The following ASCC3 variants were observed in gnomAD, a reference collection of about 807,000 sequenced individuals.
ASCC3 encodes ASC-1 complex subunit P200.
ASCC3 carries 158 observed loss-of-function variants against 256.3 expected under a neutral mutation model. The ratio of observed to expected loss-of-function variants is 0.62; its 90% CI spans 0.54 to 0.70. ASCC3 has a LOEUF of 0.70. Ranked by LOEUF, ASCC3 falls within the 30% of genes least tolerant of loss-of-function variation. The probability of loss-of-function intolerance (pLI) is 0.00; values close to 1 mark genes in which losing one functional copy is unlikely to be tolerated. For synonymous variants in ASCC3, 948 were observed against 883.4 expected, an observed-to-expected ratio of 1.07 and a Z score of -1.30; for missense variants, 2,259 against 2,626.0, an observed-to-expected ratio of 0.86 and a Z score of 3.05.
intron 37 of ASCC3, chr6:100,530,246 G>A (rs1354552711): frequency 3.3e-6 from 3 of 898,056 alleles, no homozygotes; most frequent in East Asian, 4.8e-5. Context: ...AGAGCCACAG[G>A]AGGAGGGGAG....
At chr6:100,641,826 A>G (rs1775132642) in intron 24 of ASCC3, among the ~76,000 whole-genome samples, 2 of 152,186 alleles carry the variant, frequency 1.3e-5, no homozygotes. Context: ...ATGGAATACT[A>G]TGCAGCCATA....
chr6:100,510,934 G>A (rs909038680), intron 40 of ASCC3, among the ~76,000 whole-genome samples: 1 of 152,138 alleles, frequency 6.6e-6, no homozygotes, highest in African/African-American at 2.4e-5. Flanking sequence ...AAGGGAGTCA[G>A]AGAGTAATAT....
At position 100,606,984 on chromosome 6, in the gene ASCC3, T is replaced by C; in HGVS notation, c.4890A>G (p.Thr1630=). 6.2e-7 allele frequency: 1 copy of C among 1,613,742 alleles called. No homozygotes were observed. The highest frequency in any genetic ancestry group is 8.5e-7 in the Non-Finnish European group (1 of 1,179,810). ...TACAGTTTACAAATAGTTCCTCTAC[T>C]GTTTTTCGGTCCCTCTCATGTAGTC... is the stretch of plus-strand genomic sequence containing the variant. ...HAGLHERDRK[T]VEELFVNCKV... Residue 1630 remains threonine, a synonymous_variant, in exon 31 of 42, where the codon ACA becomes ACG. Coordinates refer to ENST00000369162, the MANE Select transcript of ASCC3 (RefSeq NM_006828.4).
chr6:100,863,927 C>T, intron 3 of ASCC3, 137 bp downstream of exon 3: 2 of 846,920 alleles, frequency 2.4e-6, no homozygotes, highest in Non-Finnish European at 3.5e-6. Context: ...CTGGCCAGGA[C>T]TGTCTTTCAT....
intron 36 of ASCC3, among the ~76,000 whole-genome samples, chr6:100,581,541 C>T (rs2114748906): frequency 1.3e-5 from 2 of 151,312 alleles, no homozygotes; most frequent in Middle Eastern, 6.9e-3. Flanking sequence ...GTTGCCTGTT[C>T]ACTCTGATGG....
intron 36 of ASCC3, among the ~76,000 whole-genome samples, chr6:100,585,247 A>G (rs898813701): frequency 2.0e-4 from 31 of 152,256 alleles, no homozygotes; most frequent in Admixed American, 1.6e-3. Context: ...CTTTTCACAT[A>G]GTCCCATATT....
chr6:100,785,352 AT>A (rs1322654129), intron 8 of ASCC3, among the ~76,000 whole-genome samples: 2 of 152,120 alleles, frequency 1.3e-5, no homozygotes, highest in African/African-American at 4.8e-5. Flanking sequence ...TTATTCATAT[AT>A]TTTTATGTTA....
intron 36 of ASCC3, among the ~76,000 whole-genome samples, chr6:100,580,863 G>C (rs1771196960): frequency 6.6e-6 from 1 of 151,608 alleles, no homozygotes; most frequent in African/African-American, 2.4e-5. Context: ...ATAGTTTACT[G>C]AGAATGATGA....
intron 25 of ASCC3, 40 bp from the exon 26 acceptor site, chr6:100,631,253 T>C (rs1242720521): frequency 4.8e-6 from 7 of 1,460,374 alleles, no homozygotes; most frequent in South Asian, 2.3e-5. Context: ...CTTATGAAAA[T>C]AGTGATAGCA....
intron 5 of ASCC3, among the ~76,000 whole-genome samples, chr6:100,801,127 T>C (rs1355175937): frequency 2.6e-5 from 4 of 152,134 alleles, no homozygotes. Context: ...CAATGTTTAC[T>C]AAGTACACTT....
rs147633597 is a variant in ASCC3 at position 100,787,340 on chromosome 6, AAC to A, written c.1395+11371_1395+11372del. On this transcript the variant is annotated intron_variant, in intron 8 of 41. Transcript: ENST00000369162. ...AAATACATAGGTATAAATTTAACAC[AAC>A]AGTCGTAAAACATATCCTAAAAATT... Among the ~76,000 whole-genome samples, 1,935 of 152,248 alleles carry A rather than the reference AAC, an allele frequency of 0.013. 96 individuals are homozygous for A. In the East Asian group the frequency reaches 0.15, roughly 12 times the overall value.
At chr6:100,721,686 CA>C (rs1681021361) in intron 11 of ASCC3, among the ~76,000 whole-genome samples, 1 of 151,642 alleles carries the variant, frequency 6.6e-6, no homozygotes, top group South Asian at 2.1e-4. Flanking sequence ...TGCATATACA[CA>C]TATTTTTAAT....
In ASCC3 at chr6:100,812,807, G is replaced by A. The variant is rs528860273; in HGVS notation, c.802-6927C>T. ...TAGCCAGGTGTGGTGGTGCATGCCT[G>A]TAGTCTCAGCTACTCGGAAAGCTGA... On this transcript the variant is annotated intron_variant, in intron 4 of 41. Transcript: ENST00000369162. Among the ~76,000 whole-genome samples, 21 of 152,126 alleles carry A rather than the reference G, an allele frequency of 1.4e-4. No homozygotes were observed. In the South Asian group the frequency reaches 4.4e-3, roughly 32 times the overall value.
chr6:100,728,119 T>A (rs1779724140), intron 10 of ASCC3, among the ~76,000 whole-genome samples: 1 of 152,130 alleles, frequency 6.6e-6, no homozygotes, highest in African/African-American at 2.4e-5. Context: ...CATATAAATG[T>A]AACTATAGTA....
intron 34 of ASCC3, among the ~76,000 whole-genome samples, chr6:100,595,155 G>A (rs772133923): frequency 1.2e-4 from 18 of 152,170 alleles, no homozygotes; most frequent in South Asian, 4.2e-4. Context: ...GGTAACTATC[G>A]TTAATAATAA....
At chr6:100,817,075 A>G (rs377231416) in intron 4 of ASCC3, among the ~76,000 whole-genome samples, 10 of 152,100 alleles carry the variant, frequency 6.6e-5, no homozygotes, top group East Asian at 3.9e-4. Context: ...AGGATAGATC[A>G]TATAGTTAGC....
intron 1 of ASCC3, among the ~76,000 whole-genome samples, chr6:100,869,915 ACCT>A (rs2114560442): frequency 6.6e-6 from 1 of 152,240 alleles, no homozygotes; most frequent in South Asian, 2.1e-4. Context: ...ATTAAAAAAA[ACCT>A]CTCTACATAA....
chr6:100,613,316 A>T (rs1012908395), intron 30 of ASCC3, among the ~76,000 whole-genome samples: 32 of 151,834 alleles, frequency 2.1e-4, no homozygotes, highest in Non-Finnish European at 4.4e-4. Flanking sequence ...TATAAATTAA[A>T]TTTTTTTAAT....
intron 38 of ASCC3, among the ~76,000 whole-genome samples, chr6:100,517,336 T>C (rs1327109021): frequency 2.0e-5 from 3 of 152,142 alleles, no homozygotes; most frequent in East Asian, 1.9e-4. Context: ...CTTGTCTACA[T>C]GACTGTGAAC....
Sources: allele counts gnomAD v4.1 joint callset (sites outside exome capture counted in the v4.1 genomes callset), GRCh38; gene constraint gnomAD v4.1.1; transcripts MANE v1.5; gene names NCBI Gene and HGNC (gene_info 2026-07-23, HGNC 2026-07-21).